EHBP1: variants seen among roughly 807,000 people sequenced by gnomAD.
EHBP1 encodes the protein EH domain-binding protein 1.
A neutral mutation model predicts 144.0 loss-of-function variants in EHBP1; 55 were observed. The observed-to-expected ratio is 0.38, with a 90% confidence interval of 0.31 to 0.48. EHBP1 has a LOEUF of 0.48. EHBP1 is among the 20% of genes least tolerant of loss of function. The probability of loss-of-function intolerance (pLI) is 0.98; values close to 1 mark genes in which losing one functional copy is unlikely to be tolerated. For synonymous variants in EHBP1, 469 were observed against 472.7 expected (o/e 0.99, Z 0.10); for missense variants, 1,200 against 1,364.2 (o/e 0.88, Z 1.90).
At chr2:62,757,496 T>A (rs1253832278) in intron 3 of EHBP1, among the ~76,000 whole-genome samples, 1 of 147,984 alleles carries the variant, frequency 6.8e-6, no homozygotes, top group Non-Finnish European at 1.5e-5. Context: ...TGCAGTGGGA[T>A]GATCTCGGCG....
intron 5 of EHBP1, among the ~76,000 whole-genome samples, chr2:62,795,439 G>A (rs1490772289): frequency 1.3e-5 from 2 of 152,030 alleles, no homozygotes; most frequent in Admixed American, 1.3e-4. Context: ...ATGGGTGGCT[G>A]GGAGCATTTC....
In EHBP1 at chr2:62,738,515, G is replaced by C. The variant is rs145172366; in HGVS notation, c.105-8880G>C. On this transcript the variant is annotated intron_variant, in intron 2 of 22. Transcript: ENST00000431489. The stretch of plus-strand genomic sequence containing the variant: ...AGTTAAACACATTGGTAATTCATCA[G>C]TTCCTTTCCTCACCTGGAGGCCACA... 1.9e-3 allele frequency among the ~76,000 whole-genome samples: 285 copies of C among 152,150 alleles called. 1 individual carries two copies. The highest frequency in any genetic ancestry group is 6.6e-3 in the African/African-American group (275 of 41,494).
intron 2 of EHBP1, among the ~76,000 whole-genome samples, chr2:62,730,294 C>G (rs2037385018): frequency 6.6e-6 from 1 of 152,030 alleles, no homozygotes; most frequent in African/African-American, 2.4e-5. Flanking sequence ...TCTGAAATCT[C>G]TCCCTCACTC....
intron 2 of EHBP1, among the ~76,000 whole-genome samples, chr2:62,729,581 A>G (rs1190438816): frequency 3.1e-5 from 4 of 128,476 alleles, no homozygotes; most frequent in African/African-American, 1.2e-4. Context: ...ATAAATAAAT[A>G]TAATAATAAT....
chr2:62,763,265 T>C (rs1282846992), intron 3 of EHBP1, among the ~76,000 whole-genome samples: 1 of 152,186 alleles, frequency 6.6e-6, no homozygotes, highest in Non-Finnish European at 1.5e-5. Context: ...ACATATTATA[T>C]ATTTTTCTTA....
Position 62,853,331 on chromosome 2 carries a change from C to T in EHBP1, c.635-5838C>T, listed in dbSNP as rs1573720408. Among the ~76,000 whole-genome samples, 3 of 152,196 alleles carry T rather than the reference C, an allele frequency of 2.0e-5. No homozygotes were observed. The South Asian group carries it at 6.2e-4, about 32-fold the overall frequency. On this transcript the variant is annotated intron_variant, in intron 7 of 22. Coordinates refer to ENST00000431489, the MANE Select transcript of EHBP1 (RefSeq NM_001142616.3). ...ACGGCATCTTCACCAGGAGTTGGTT[C>T]CATGTCAAGAAGCTACTTTCTTTGT...
chr2:62,991,091 A>G (rs1270991959), intron 16 of EHBP1, among the ~76,000 whole-genome samples: 1 of 151,972 alleles, frequency 6.6e-6, no homozygotes, highest in African/African-American at 2.4e-5. Flanking sequence ...CTAAAAGTAA[A>G]ACAATTAGCC....
At chr2:62,820,721 G>C (rs2045887584) in intron 5 of EHBP1, among the ~76,000 whole-genome samples, 1 of 129,582 alleles carries the variant, frequency 7.7e-6, no homozygotes, top group Non-Finnish European at 1.6e-5. Flanking sequence ...GTGTGTGTGT[G>C]TGTGTGTGTG....
intron 10 of EHBP1, among the ~76,000 whole-genome samples, chr2:62,887,963 G>A (rs2052081207): frequency 6.6e-6 from 1 of 152,192 alleles, no homozygotes; most frequent in Non-Finnish European, 1.5e-5. Flanking sequence ...AATTACTGGT[G>A]AGGAAGTTGA....
intron 5 of EHBP1, among the ~76,000 whole-genome samples, chr2:62,821,925 C>T (rs1026279654): frequency 1.3e-5 from 2 of 152,048 alleles, no homozygotes; most frequent in Non-Finnish European, 2.9e-5. Flanking sequence ...ATAATAATCA[C>T]ATCATGGAAA....
chr2:62,773,128 G>T (rs945612316), intron 5 of EHBP1, among the ~76,000 whole-genome samples: 1 of 152,092 alleles, frequency 6.6e-6, no homozygotes, highest in African/African-American at 2.4e-5. Context: ...TATATCAAAA[G>T]GATGAGTTTA....
intron 2 of EHBP1, among the ~76,000 whole-genome samples, chr2:62,734,306 C>G (rs2037897719): frequency 6.6e-6 from 1 of 150,438 alleles, no homozygotes; most frequent in Non-Finnish European, 1.5e-5. Flanking sequence ...TCTTCTAGTA[C>G]TTATATGGTT....
chr2:62,726,146 G>A (rs1190888269), intron 2 of EHBP1, among the ~76,000 whole-genome samples: 1 of 152,170 alleles, frequency 6.6e-6, no homozygotes, highest in East Asian at 1.9e-4. Context: ...AACCCTGGCT[G>A]TGCCCTATTA....
At chr2:62,861,091 C>G (rs1352374985) in intron 8 of EHBP1, among the ~76,000 whole-genome samples, 1 of 145,480 alleles carries the variant, frequency 6.9e-6, no homozygotes, top group Non-Finnish European at 1.5e-5. Flanking sequence ...TTTACAGGTT[C>G]AGTTCTCCTC....
At chr2:62,690,913 G>T (rs2033884638) in intron 1 of EHBP1, among the ~76,000 whole-genome samples, 1 of 152,206 alleles carries the variant, frequency 6.6e-6, no homozygotes, top group African/African-American at 2.4e-5. Context: ...AAAATGCCAG[G>T]GAGAGGAGAC....
At chr2:63,037,949 A>G (rs1160919879) in intron 20 of EHBP1, among the ~76,000 whole-genome samples, 1 of 152,134 alleles carries the variant, frequency 6.6e-6, no homozygotes, top group Non-Finnish European at 1.5e-5. Flanking sequence ...AGATAAATAA[A>G]ATTAAAGTTT....
chr2:62,928,927 C>G (rs1558930231), intron 10 of EHBP1, among the ~76,000 whole-genome samples: 1 of 149,044 alleles, frequency 6.7e-6, no homozygotes, highest in South Asian at 2.1e-4. Flanking sequence ...TCCACAGAAA[C>G]AAAAAGGATT....
At chr2:62,784,355 G>T (rs1441908214) in intron 5 of EHBP1, among the ~76,000 whole-genome samples, 1 of 151,928 alleles carries the variant, frequency 6.6e-6, no homozygotes, top group Non-Finnish European at 1.5e-5. Context: ...TTGTTTTTTG[G>T]ATTTCATTAT....
At chr2:62,790,646 C>G (rs1020470179) in intron 5 of EHBP1, among the ~76,000 whole-genome samples, 1 of 152,066 alleles carries the variant, frequency 6.6e-6, no homozygotes, top group African/African-American at 2.4e-5. Context: ...GTAAGTTATA[C>G]ACGGTATAAC....
Sources: gnomAD v4.1 joint callset for allele counts (sites outside exome capture counted in the v4.1 genomes callset) on GRCh38, gnomAD v4.1.1 for gene constraint, MANE v1.5 for transcripts, NCBI Gene and HGNC (gene_info 2026-07-23, HGNC 2026-07-21) for gene names.